Variants in MTIF2 observed in about 807,000 individuals in gnomAD.
MTIF2 encodes the protein mitochondrial translational initiation factor 2.
Under a neutral mutation model 83.5 loss-of-function variants are expected in MTIF2, and 71 were observed. The observed-to-expected ratio is 0.85, with a 90% CI of 0.70 to 1.04. The LOEUF is 1.04. MTIF2 is among the 50% of genes least tolerant of loss of function. The pLI is 0.00. For missense variants in MTIF2, 957 were observed against 846.5 expected, an observed-to-expected ratio of 1.13 and a Z score of -1.62; for synonymous variants, 319 against 287.1, an observed-to-expected ratio of 1.11 and a Z score of -1.12.
chr2:55,236,635 T>C lies in MTIF2; in HGVS notation c.*13A>G, dbSNP rs747930421. The stretch of plus-strand genomic sequence containing the variant: ...AAACAACACGTTGAGTTATTTACAT[T>C]TTTAATGTAATTTTAAAATCCTGGA... On this transcript the variant is annotated 3_prime_UTR_variant, in exon 16 of 16. Transcript: ENST00000263629. 1 of 1,577,410 alleles carries C rather than the reference T, an allele frequency of 6.3e-7. No homozygotes were observed. Among genetic ancestry groups the C allele is most frequent in the Non-Finnish European group, 8.6e-7 (1 of 1,166,772 alleles).
At position 55,260,662 on chromosome 2, in the gene MTIF2, G is replaced by A. The variant is rs1020682711; in HGVS notation, c.331+1654C>T. Among the ~76,000 whole-genome samples, 9 of 152,154 alleles carry A rather than the reference G, an allele frequency of 5.9e-5. No individual in the cohort carries two copies. In the South Asian group the frequency reaches 1.9e-3, roughly 31 times the overall value. On this transcript the variant is annotated intron_variant, in intron 5 of 15. Transcript: ENST00000263629. ...CTCTCCCACAAACTAGCTGGAAATA[G>A]TGGGTAATTACTTATCCTCTCTAAA...
chr2:55,254,263 A>T (rs765589192), intron 6 of MTIF2, 62 bp from the exon 7 acceptor site: 34 of 1,544,772 alleles, frequency 2.2e-5, no homozygotes, highest in Non-Finnish European at 2.8e-5. Context: ...TAGCCTGTGA[A>T]TTGGTTCACA....
chr2:55,243,212 G>C, intron 12 of MTIF2, 132 bp from the exon 13 acceptor site: 1 of 1,072,132 alleles, frequency 9.3e-7, no homozygotes, highest in Non-Finnish European at 1.3e-6. Context: ...TTTAGGCTTA[G>C]CATTACACAT....
chr2:55,244,320 A>T (rs1676538477), intron 10 of MTIF2, 87 bp from the exon 11 acceptor site: 3 of 941,134 alleles, frequency 3.2e-6, no homozygotes, highest in Non-Finnish European at 4.9e-6. Flanking sequence ...AGTTATATAA[A>T]CATGTGTATA....
chr2:55,239,318 C>T (rs531436280), intron 14 of MTIF2, among the ~76,000 whole-genome samples: 7 of 152,234 alleles, frequency 4.6e-5, no homozygotes, highest in African/African-American at 1.7e-4. Context: ...GGCACTATAT[C>T]TCAAACATTT....
chr2:55,246,228 ATT>A, intron 10 of MTIF2, 107 bp downstream of exon 10: 1 of 1,230,288 alleles, frequency 8.1e-7, no homozygotes, highest in Non-Finnish European at 1.1e-6. Context: ...CTTTGAAAAT[ATT>A]GTTCATGAAC....
chr2:55,252,788 G>T, intron 7 of MTIF2, 135 bp from the exon 8 acceptor site: 1 of 581,980 alleles, frequency 1.7e-6, no homozygotes, highest in Non-Finnish European at 2.9e-6. Context: ...ATCTTAATCA[G>T]AACACAGATC....
At chr2:55,259,583 C>G (rs1196879270) in intron 5 of MTIF2, among the ~76,000 whole-genome samples, 4 of 151,868 alleles carry the variant, frequency 2.6e-5, no homozygotes, top group Non-Finnish European at 5.9e-5. Flanking sequence ...TCTGTTGTCA[C>G]TGACTTATGC....
At position 55,243,356 on chromosome 2, in the gene MTIF2, GA is replaced by G. The variant is rs565581751; in HGVS notation, c.1564+59del. The G allele has an allele frequency of 4.2e-5, 60 of 1,444,044 alleles. No homozygotes were observed. In the South Asian group the frequency reaches 7.4e-4, roughly 18 times the overall value. The allele number at this position is 1,444,044 out of a possible 1,614,324, so 89.5% of individuals were successfully genotyped here. ...ATGTAAATGTAAAGGCCCAAACTAT[GA>G]GAATAAAAAAACATATATTCAAAGA... On this transcript the variant is annotated intron_variant, in intron 12 of 15. Coordinates refer to ENST00000263629, the MANE Select transcript of MTIF2 (RefSeq NM_002453.3).
At chr2:55,249,604 C>A in intron 8 of MTIF2, 70 bp from the exon 9 acceptor site, 4 of 1,551,768 alleles carry the variant, frequency 2.6e-6, no homozygotes, top group Non-Finnish European at 3.5e-6. Context: ...CAGTGAAAGA[C>A]ATCAACTTTC....
intron 10 of MTIF2, 85 bp downstream of exon 10, chr2:55,246,250 CAT>C (rs3833559): frequency 0.76 from 1,043,943 of 1,380,174 alleles, 399,199 homozygotes; most frequent in Non-Finnish European, 0.78. Flanking sequence ...CTAACAATAA[CAT>C]GTAACAAAAA....
intron 5 of MTIF2, among the ~76,000 whole-genome samples, chr2:55,255,404 TAATA>T (rs1306832692): frequency 6.8e-6 from 1 of 146,176 alleles, no homozygotes; most frequent in African/African-American, 2.5e-5. Flanking sequence ...GTATTATATA[TAATA>T]TATATTTATA....
At chr2:55,236,887 T>C in intron 15 of MTIF2, 67 bp from the exon 16 acceptor site, 1 of 1,234,128 alleles carries the variant, frequency 8.1e-7, no homozygotes, top group South Asian at 1.9e-5. Flanking sequence ...TACTACATTA[T>C]GTGGTGTTAA....
At chr2:55,242,137 G>A (rs1204396321) in intron 13 of MTIF2, among the ~76,000 whole-genome samples, 3 of 136,422 alleles carry the variant, frequency 2.2e-5, no homozygotes, top group Non-Finnish European at 4.6e-5. Context: ...GTGAGGCTCT[G>A]TCTCCAAAAA....
chr2:55,262,167 G>C, intron 5 of MTIF2, 149 bp downstream of exon 5: 1 of 629,748 alleles, frequency 1.6e-6, no homozygotes, highest in Middle Eastern at 2.5e-4. Flanking sequence ...TAGGGATTAT[G>C]ACTTAAAGTG....
chr2:55,266,960 G>A lies in MTIF2; in HGVS notation c.-8+609C>T, dbSNP rs184895379. ...AATTTTTGTATTTTTAGTAGACACC[G>A]GGTTTTACCATGTTGGCCAGGCTAG... On this transcript the variant is annotated intron_variant, in intron 3 of 15. Coordinates refer to ENST00000263629, the MANE Select transcript of MTIF2 (RefSeq NM_002453.3). Among the ~76,000 whole-genome samples the A allele has an allele frequency of 1.5e-4, 23 of 151,864 alleles. No individual in the cohort carries two copies. In the East Asian group the frequency reaches 3.7e-3, roughly 24 times the overall value.
At chr2:55,257,867 C>T (rs1197987662) in intron 5 of MTIF2, among the ~76,000 whole-genome samples, 2 of 152,182 alleles carry the variant, frequency 1.3e-5, no homozygotes, top group African/African-American at 4.8e-5. Context: ...ACAATCTCAG[C>T]TCACTGCAAC....
chr2:55,256,075 A>C lies in MTIF2; in HGVS notation c.332-1250T>G, dbSNP rs993913010. On this transcript the variant is annotated intron_variant, in intron 5 of 15. Transcript: ENST00000263629. ...TATTTTTTGTAGACAGGGTTTCACCATGTTGGCTAGGCTGGTCTCAAATTC... is the reference window on the plus strand; with the variant it reads ...TATTTTTTGTAGACAGGGTTTCACCCTGTTGGCTAGGCTGGTCTCAAATTC... Among the ~76,000 whole-genome samples, 5 of 151,946 alleles carry C rather than the reference A, an allele frequency of 3.3e-5. No homozygotes were observed. In the East Asian group the frequency reaches 9.7e-4, roughly 29 times the overall value.
At chr2:55,238,478 G>A (rs949916063) in intron 14 of MTIF2, among the ~76,000 whole-genome samples, 6 of 140,556 alleles carry the variant, frequency 4.3e-5, no homozygotes, top group African/African-American at 7.9e-5. Context: ...AGCAAACTCC[G>A]CCTCCTGGGT....
Sources: allele counts gnomAD v4.1 joint callset (sites outside exome capture counted in the v4.1 genomes callset), GRCh38; gene constraint gnomAD v4.1.1; transcripts MANE v1.5; gene names NCBI Gene and HGNC (gene_info 2026-07-23, HGNC 2026-07-21).